Variants in NPIPB11 observed in about 807,000 individuals in gnomAD.
NPIPB11 encodes the protein nuclear pore complex interacting protein family member B11.
NPIPB11 carries 17 observed loss-of-function variants against 32.8 expected under a neutral mutation model. The observed-to-expected ratio is 0.52, with a 90% confidence interval of 0.35 to 0.78. The LOEUF (loss-of-function observed/expected upper bound fraction) is 0.78. Ranked by LOEUF, NPIPB11 falls within the 30% of genes least tolerant of loss-of-function variation. The pLI, the probability that NPIPB11 is intolerant of heterozygous loss-of-function variation, is 0.01. For missense variants in NPIPB11, 537 were observed against 1,000.4 expected, an observed-to-expected ratio of 0.54 and a Z score of 6.25; for synonymous variants, 209 against 398.4, an observed-to-expected ratio of 0.52 and a Z score of 5.66.
exon 3 of NPIPB11, chr16:29,393,988 C>T (rs759452101): frequency 6.3e-6 from 10 of 1,599,436 alleles, no homozygotes; most frequent in South Asian, 1.1e-5. Context: ...AACTTTATAA[C>T]TTGTCGGAAA....
intron 2 of NPIPB11, among the ~76,000 whole-genome samples, chr16:29,397,331 C>G (rs867430247): frequency 6.6e-6 from 1 of 151,698 alleles, no homozygotes; most frequent in African/African-American, 2.4e-5. Flanking sequence ...CTCAGCCTCT[C>G]CAGTAACTGG....
At chr16:29,395,917 G>C (rs1460072290) in intron 2 of NPIPB11, among the ~76,000 whole-genome samples, 1 of 151,390 alleles carries the variant, frequency 6.6e-6, no homozygotes, top group Non-Finnish European at 1.5e-5. Context: ...GGCAGAGGTT[G>C]CAGTGAGCCG....
chr16:29,392,083 A>T (rs1361292558), intron 3 of NPIPB11, among the ~76,000 whole-genome samples: 1 of 151,950 alleles, frequency 6.6e-6, no homozygotes, highest in Middle Eastern at 3.2e-3. Context: ...CATAGGATAA[A>T]AAAAAAATCA....
exon 8 of NPIPB11, chr16:29,383,389 G>T (rs1963545498): frequency 4.4e-6 from 1 of 227,738 alleles, no homozygotes; most frequent in East Asian, 6.9e-5. Context: ...GGTGTCTTGA[G>T]ATTATCATCC....
At chr16:29,406,071 G>C (rs1202765025), upstream of NPIPB11, among the ~76,000 whole-genome samples, 1 of 152,268 alleles carries the variant, frequency 6.6e-6, no homozygotes, top group Non-Finnish European at 1.5e-5. Context: ...TGACGTCTTT[G>C]ATGGGTTTCT....
chr16:29,403,884 C>T, intron 1 of NPIPB11, 44 bp from the exon 2 acceptor site: 1 of 1,530,476 alleles, frequency 6.5e-7, no homozygotes, highest in Non-Finnish European at 8.7e-7. Flanking sequence ...AGTGGAAAAA[C>T]AAGGTGATGT....
chr16:29,402,724 C>CTCTCTCTCTG (rs1449821025), intron 2 of NPIPB11, among the ~76,000 whole-genome samples: 49 of 119,672 alleles, frequency 4.1e-4, no homozygotes, highest in East Asian at 1.4e-3. Flanking sequence ...CTCTCTCTCT[C>CTCTCTCTCTG]TGTGTGTGTG....
chr16:29,399,662 C>T (rs537642871), intron 2 of NPIPB11, among the ~76,000 whole-genome samples: 1 of 152,130 alleles, frequency 6.6e-6, no homozygotes, highest in Non-Finnish European at 1.5e-5. Flanking sequence ...TGCACCACTG[C>T]ACTCCAGCCT....
chr16:29,400,512 C>T (rs1258907694), intron 2 of NPIPB11, among the ~76,000 whole-genome samples: 1 of 149,974 alleles, frequency 6.7e-6, no homozygotes, highest in Non-Finnish European at 1.5e-5. Flanking sequence ...CTGTTGAGCA[C>T]CCGTGTACCT....
rs959308829 is a variant in NPIPB11 at position 29,393,935 on chromosome 16, T to C, written c.249+13A>G. 38 of 1,563,472 alleles carry C rather than the reference T, an allele frequency of 2.4e-5. No individual in the cohort carries two copies. The highest frequency in any genetic ancestry group is 3.2e-5 in the Non-Finnish European group (37 of 1,159,120). On this transcript the variant is annotated intron_variant, in intron 3 of 7. Transcript: ENST00000524087. ...ATTACAAGTATACCTCTACAGAAAG[T>C]TAGTATACTCACCCAAAGGTAAACT... is the stretch of plus-strand genomic sequence containing the variant.
intron 2 of NPIPB11, among the ~76,000 whole-genome samples, chr16:29,394,814 C>T (rs1452198501): frequency 2.0e-5 from 3 of 151,434 alleles, no homozygotes; most frequent in Non-Finnish European, 2.9e-5. Flanking sequence ...GGTGTGCTCT[C>T]GGCTCACTGC....
intron 5 of NPIPB11, 137 bp downstream of exon 5, chr16:29,389,804 C>T (rs1963667826): frequency 7.3e-7 from 1 of 1,373,736 alleles, no homozygotes; most frequent in Non-Finnish European, 9.8e-7. Flanking sequence ...ACTAATGAAG[C>T]AGAAAGGACA....
At chr16:29,400,031 C>G (rs144147996) in intron 2 of NPIPB11, among the ~76,000 whole-genome samples, 4 of 151,916 alleles carry the variant, frequency 2.6e-5, no homozygotes, top group African/African-American at 9.7e-5. Context: ...GAGCCGAGAT[C>G]GTGCCATTCC....
upstream of NPIPB11, among the ~76,000 whole-genome samples, chr16:29,405,894 C>A (rs1203682973): frequency 2.0e-5 from 3 of 152,230 alleles, no homozygotes; most frequent in African/African-American, 4.8e-5. Flanking sequence ...CTTCCTGTGT[C>A]GATTCAATTC....
At position 29,386,883 on chromosome 16, in the gene NPIPB11, AT is replaced by A. The variant is rs1420193545; in HGVS notation, c.546-1029del. On this transcript the variant is annotated intron_variant, in intron 5 of 7. Coordinates refer to ENST00000524087, the Ensembl canonical transcript of NPIPB11. ...TTTCTGAACTCACTTGTAGGTGTGT[AT>A]TTCTTTCATATCCAATTTCCCATTT... Among the ~76,000 whole-genome samples the A allele has an allele frequency of 2.9e-3, 68 of 23,122 alleles. 2 individuals are homozygous for A. The highest frequency in any genetic ancestry group is 8.9e-3 in the African/African-American group (58 of 6,496). 15.2% of individuals were successfully genotyped at this position (23,122 alleles called of 152,430 possible).
At chr16:29,383,044 C>G (rs770936031) in exon 8 of NPIPB11, 1 of 1,608,488 alleles carries the variant, frequency 6.2e-7, no homozygotes, top group Non-Finnish European at 8.5e-7. Context: ...AAGCGGAACC[C>G]GCAGATGCTC....
chr16:29,383,184 G>C (rs777430790), exon 8 of NPIPB11: 2 of 1,592,860 alleles, frequency 1.3e-6, no homozygotes, highest in African/African-American at 1.4e-5. Context: ...ATGCTCGGCA[G>C]GTGTCTTGAT....
intron 2 of NPIPB11, among the ~76,000 whole-genome samples, chr16:29,394,684 A>G (rs1426941168): frequency 1.2e-4 from 19 of 152,174 alleles, no homozygotes; most frequent in South Asian, 1.0e-3. Flanking sequence ...TGCCTGCCTC[A>G]GCCTCCCAAA....
intron 3 of NPIPB11, among the ~76,000 whole-genome samples, chr16:29,391,631 C>T (rs533231346): frequency 1.3e-4 from 20 of 152,154 alleles, no homozygotes; most frequent in Admixed American, 4.6e-4. Context: ...TCTTCTAAGA[C>T]ATTAAATATT....
Sources: allele counts gnomAD v4.1 joint callset (sites outside exome capture counted in the v4.1 genomes callset), GRCh38; gene constraint gnomAD v4.1.1; transcripts MANE v1.5; gene names NCBI Gene and HGNC (gene_info 2026-07-23, HGNC 2026-07-21).